Variants in TMTC4 observed in about 807,000 individuals in gnomAD.
TMTC4 encodes protein O-mannosyl-transferase TMTC4.
TMTC4 carries 65 observed loss-of-function variants against 86.0 expected under a neutral mutation model. That is an observed-to-expected ratio of 0.76 (90% CI 0.62 to 0.93). The LOEUF is 0.93. Among genes scored for constraint, TMTC4 ranks in the 40% least tolerant of loss-of-function variants. The pLI, the probability that TMTC4 is intolerant of heterozygous loss-of-function variation, is 0.00. For missense variants in TMTC4, 866 were observed against 948.1 expected (o/e 0.91, Z 1.14); for synonymous variants, 379 against 382.5 (o/e 0.99, Z 0.11).
intron 15 of TMTC4, among the ~76,000 whole-genome samples, chr13:100,621,422 T>C (rs1316127105): frequency 6.6e-6 from 1 of 151,490 alleles, no homozygotes; most frequent in Non-Finnish European, 1.5e-5. Flanking sequence ...AGAAGAATTC[T>C]TTTTTTTTAT....
chr13:100,657,665 G>A (rs1185818554), intron 5 of TMTC4, among the ~76,000 whole-genome samples: 1 of 152,214 alleles, frequency 6.6e-6, no homozygotes, highest in Admixed American at 6.5e-5. Flanking sequence ...TTAAAGGCTG[G>A]TAGGTTAATC....
At chr13:100,634,664 C>A in intron 12 of TMTC4, 141 bp downstream of exon 12, 11 of 1,059,920 alleles carry the variant, frequency 1.0e-5, no homozygotes, top group South Asian at 9.7e-5. Context: ...TAAAAAAAAC[C>A]ATACATAACA....
intron 6 of TMTC4, among the ~76,000 whole-genome samples, chr13:100,645,710 T>A (rs1040275281): frequency 5.3e-5 from 8 of 152,232 alleles, no homozygotes; most frequent in Non-Finnish European, 1.5e-5. Flanking sequence ...TGCTCTAAAC[T>A]GCCCTGATCA....
chr13:100,673,835 G>A (rs1165323058), intron 1 of TMTC4, among the ~76,000 whole-genome samples: 2 of 152,140 alleles, frequency 1.3e-5, no homozygotes, highest in Non-Finnish European at 1.5e-5. Flanking sequence ...GGGCGCGCCC[G>A]GCGCAGACAG....
intron 12 of TMTC4, 33 bp downstream of exon 12, chr13:100,634,772 G>A: frequency 6.2e-7 from 1 of 1,605,528 alleles, no homozygotes. Flanking sequence ...ACCCTAGTAA[G>A]GTCCCTTTAA....
rs1216575554 is a variant in TMTC4 at position 100,638,191 on chromosome 13, T to C, written c.742-169A>G. 9.1e-6 allele frequency: 5 copies of C among 547,066 alleles called. No homozygotes were observed. In the East Asian group the frequency reaches 1.2e-4, roughly 13 times the overall value. 33.9% of individuals were successfully genotyped at this position (547,066 alleles called of 1,614,324 possible). A position where few individuals can be genotyped will look rare whatever the true frequency, so the allele number is the denominator to read the frequency against. ...AACACATAACAGCCGTACGTTTCTA[T>C]GAAATTAGCTCAAGGTAATAGATCA... On this transcript the variant is annotated intron_variant, in intron 7 of 18. Transcript: ENST00000342624.
rs558751941 is a variant in TMTC4 at position 100,644,795 on chromosome 13, T to C, written c.641-2484A>G. ...GAAAGCCTCATTAACTGAGATCCCA[T>C]TGTCTCATAAAACACAACGAACATA... On this transcript the variant is annotated intron_variant, in intron 6 of 18. Transcript: ENST00000342624. Among the ~76,000 whole-genome samples the C allele has an allele frequency of 3.9e-5, 6 of 151,990 alleles. No individual in the cohort carries two copies. The South Asian group carries it at 1.2e-3, about 32-fold the overall frequency.
intron 16 of TMTC4, among the ~76,000 whole-genome samples, chr13:100,612,945 T>C (rs1877877351): frequency 6.6e-6 from 1 of 152,204 alleles, no homozygotes; most frequent in Admixed American, 6.5e-5. Flanking sequence ...TACACCATGA[T>C]CAAATTAACA....
chr13:100,615,963 C>G (rs1178776366), intron 15 of TMTC4, among the ~76,000 whole-genome samples: 1 of 152,130 alleles, frequency 6.6e-6, no homozygotes, highest in East Asian at 1.9e-4. Flanking sequence ...TGTATTAGCG[C>G]TCACTTATGA....
In TMTC4 at chr13:100,656,542, C is replaced by CTTTTTTT. The variant is rs35563246; in HGVS notation, c.553-81_553-75dup. On this transcript the variant is annotated intron_variant, in intron 5 of 18. Transcript: ENST00000342624. The stretch of plus-strand genomic sequence containing the variant: ...GAAATCCTAAACTTAGGAGACATAA[C>CTTTTTTT]TTTTTTTTTTTTTTTTTTGCGACAG... 2.7e-4 allele frequency: 104 copies of CTTTTTTT among 385,916 alleles called. 1 individual carries two copies. The highest frequency in any genetic ancestry group is 9.5e-4 in the South Asian group (30 of 31,584). The allele number at this position is 385,916 out of a possible 1,614,324, so 23.9% of individuals were successfully genotyped here.
At chr13:100,665,796 T>G (rs574103797) in intron 3 of TMTC4, among the ~76,000 whole-genome samples, 2 of 152,364 alleles carry the variant, frequency 1.3e-5, no homozygotes, top group Admixed American at 1.3e-4. Context: ...AGGTGACAGA[T>G]GCAAAGCTGG....
intron 15 of TMTC4, among the ~76,000 whole-genome samples, chr13:100,616,865 TG>T (rs1878585271): frequency 6.6e-6 from 1 of 152,188 alleles, no homozygotes; most frequent in South Asian, 2.1e-4. Flanking sequence ...TTAATGGGGC[TG>T]TTTTTTTGCT....
At chr13:100,615,820 C>T (rs1878394606) in intron 15 of TMTC4, among the ~76,000 whole-genome samples, 1 of 152,152 alleles carries the variant, frequency 6.6e-6, no homozygotes, top group South Asian at 2.1e-4. Context: ...TTGTGTGATG[C>T]TGAGGTTTGT....
At position 100,632,047 on chromosome 13, in the gene TMTC4, ACACACACTCTCT is replaced by A. The variant is rs1443477697; in HGVS notation, c.1506+2746_1506+2757del. ...CACACACACACACACACACACACACACACACACTCTCTCTCTCTCTCTCTCTCTCTCTCTCTC... is the reference window on the plus strand; with the variant it reads ...CACACACACACACACACACACACACACTCTCTCTCTCTCTCTCTCTCTCTC... On this transcript the variant is annotated intron_variant, in intron 12 of 18. Transcript: ENST00000342624. Among the ~76,000 whole-genome samples the A allele has an allele frequency of 5.2e-4, 33 of 63,404 alleles. No individual in the cohort carries two copies. The South Asian group carries it at 7.5e-3, about 14-fold the overall frequency. The allele number at this position is 63,404 out of a possible 152,430, so 41.6% of individuals were successfully genotyped here.
At chr13:100,615,283 G>A (rs1458010607) in intron 15 of TMTC4, among the ~76,000 whole-genome samples, 2 of 151,148 alleles carry the variant, frequency 1.3e-5, no homozygotes, top group Admixed American at 6.6e-5. Flanking sequence ...GATTACAGGC[G>A]CCCACCACCA....
intron 4 of TMTC4, among the ~76,000 whole-genome samples, chr13:100,663,596 G>A (rs1347313836): frequency 6.6e-6 from 1 of 152,276 alleles, no homozygotes; most frequent in Non-Finnish European, 1.5e-5. Context: ...CCAAAAAAGG[G>A]CTCCTCATCA....
chr13:100,672,827 A>G (rs1052369783), intron 1 of TMTC4, among the ~76,000 whole-genome samples: 5 of 152,144 alleles, frequency 3.3e-5, no homozygotes, highest in Non-Finnish European at 7.4e-5. Context: ...TGAAATAGGA[A>G]AGGATGCTCT....
intron 3 of TMTC4, chr13:100,666,178 C>T (rs545790458): frequency 4.8e-5 from 19 of 394,018 alleles, no homozygotes; most frequent in South Asian, 3.6e-4. Context: ...AAAATTCCCC[C>T]TAACTCCACT....
chr13:100,656,534 A>G, intron 5 of TMTC4, 66 bp from the exon 6 acceptor site: 1 of 729,098 alleles, frequency 1.4e-6, no homozygotes, highest in Middle Eastern at 2.9e-4. Context: ...TAAACTTAGG[A>G]GACATAACTT....
Sources: gnomAD v4.1 joint callset for allele counts (sites outside exome capture counted in the v4.1 genomes callset) on GRCh38, gnomAD v4.1.1 for gene constraint, MANE v1.5 for transcripts, NCBI Gene and HGNC (gene_info 2026-07-23, HGNC 2026-07-21) for gene names.